PXDNL: variants seen among roughly 807,000 people sequenced by gnomAD.
The protein encoded by PXDNL is peroxidasin like.
PXDNL carries 145 observed loss-of-function variants against 150.8 expected under a neutral mutation model. The observed-to-expected ratio is 0.96, with a 90% CI of 0.84 to 1.10. The LOEUF (loss-of-function observed/expected upper bound fraction) is 1.10, where lower values mean the gene tolerates loss of function less well. Ranked by LOEUF, PXDNL falls within the 50% of genes least tolerant of loss-of-function variation. The probability of loss-of-function intolerance (pLI) is 0.00; values close to 1 mark genes in which losing one functional copy is unlikely to be tolerated. For missense variants in PXDNL, 2,087 were observed against 1,873.9 expected, an observed-to-expected ratio of 1.11 and a Z score of -2.10; for synonymous variants, 757 against 725.7, an observed-to-expected ratio of 1.04 and a Z score of -0.69.
chr8:51,562,599 G>C (rs1217429500), intron 3 of PXDNL, among the ~76,000 whole-genome samples: 2 of 151,964 alleles, frequency 1.3e-5, no homozygotes, highest in Admixed American at 6.6e-5. Flanking sequence ...GGACCAAGGA[G>C]TGTTATAGAG....
chr8:51,421,659 C>T (rs540286173), intron 14 of PXDNL, among the ~76,000 whole-genome samples: 2 of 152,090 alleles, frequency 1.3e-5, no homozygotes, highest in African/African-American at 4.8e-5. Flanking sequence ...AGATTGTGCC[C>T]CTGCACTCCA....
intron 1 of PXDNL, among the ~76,000 whole-genome samples, chr8:51,681,590 C>T (rs7837379): frequency 0.29 from 43,532 of 152,174 alleles, 12,864 homozygotes; most frequent in African/African-American, 0.76. Flanking sequence ...GGCATGTGTC[C>T]CAAGCCCTGC....
At chr8:51,627,117 C>A (rs113436903) in intron 2 of PXDNL, among the ~76,000 whole-genome samples, 9 of 152,074 alleles carry the variant, frequency 5.9e-5, no homozygotes, top group African/African-American at 1.9e-4. Flanking sequence ...TTTCCTGAAA[C>A]AAATTAATCA....
Position 51,728,224 on chromosome 8 carries a change from T to G in PXDNL, c.165-73464A>C, listed in dbSNP as rs60849920. Among the ~76,000 whole-genome samples the G allele has an allele frequency of 3.6e-3, 547 of 152,360 alleles. 5 individuals carry two copies. The highest frequency in any genetic ancestry group is 0.012 in the African/African-American group (519 of 41,582). On this transcript the variant is annotated intron_variant, in intron 1 of 22. Transcript: ENST00000356297. ...AAACACACCTACTGTGCTGCCAGTG[T>G]TATAAAAGTCTAGCACATACAGTTA...
intron 2 of PXDNL, among the ~76,000 whole-genome samples, chr8:51,613,583 C>A (rs1814068056): frequency 6.6e-6 from 1 of 151,890 alleles, no homozygotes. Flanking sequence ...ACTAAGAAGT[C>A]GAATAAGAGA....
chr8:51,322,461 G>C (rs77089592), intron 21 of PXDNL, among the ~76,000 whole-genome samples: 6,071 of 152,184 alleles, frequency 0.04, 174 homozygotes, highest in Non-Finnish European at 0.061. Context: ...GGGATGAGTG[G>C]GCAGCAAAGA....
At chr8:51,581,351 T>C (rs911159563) in intron 3 of PXDNL, among the ~76,000 whole-genome samples, 2 of 152,006 alleles carry the variant, frequency 1.3e-5, no homozygotes, top group Admixed American at 1.3e-4. Flanking sequence ...TAGCTGGGCA[T>C]GGTGGCATGT....
chr8:51,783,214 C>T (rs2037431717), intron 1 of PXDNL, among the ~76,000 whole-genome samples: 1 of 152,166 alleles, frequency 6.6e-6, no homozygotes, highest in Admixed American at 6.5e-5. Context: ...GCCTTGAAAC[C>T]AGCTGGCATC....
intron 19 of PXDNL, among the ~76,000 whole-genome samples, chr8:51,355,659 A>T (rs1806484474): frequency 6.6e-6 from 1 of 152,212 alleles, no homozygotes; most frequent in African/African-American, 2.4e-5. Flanking sequence ...ATGCAAAGTC[A>T]ATTTTATCAG....
chr8:51,732,887 G>A (rs1252717445), intron 1 of PXDNL, among the ~76,000 whole-genome samples: 1 of 152,180 alleles, frequency 6.6e-6, no homozygotes, highest in Non-Finnish European at 1.5e-5. Context: ...CATGATGTGT[G>A]GGAATTATGG....
intron 1 of PXDNL, among the ~76,000 whole-genome samples, chr8:51,747,904 C>G (rs1487436734): frequency 6.6e-6 from 1 of 151,698 alleles, no homozygotes; most frequent in Non-Finnish European, 1.5e-5. Flanking sequence ...GCCTTGGGGT[C>G]TGATCTCAGC....
intron 17 of PXDNL, among the ~76,000 whole-genome samples, chr8:51,387,949 C>T (rs1807772070): frequency 6.6e-6 from 1 of 152,116 alleles, no homozygotes; most frequent in Non-Finnish European, 1.5e-5. Context: ...ATTTGACTGA[C>T]AAGCATTTTT....
intron 17 of PXDNL, among the ~76,000 whole-genome samples, chr8:51,393,354 A>G (rs1452202220): frequency 6.6e-6 from 1 of 152,186 alleles, no homozygotes; most frequent in Non-Finnish European, 1.5e-5. Flanking sequence ...TGATCGTCAT[A>G]TTCGGGATGA....
chr8:51,768,140 C>T (rs1015623763), intron 1 of PXDNL, among the ~76,000 whole-genome samples: 5 of 152,208 alleles, frequency 3.3e-5, no homozygotes, highest in Non-Finnish European at 7.3e-5. Context: ...GTGAACAAAG[C>T]TCACGATTCT....
chr8:51,372,254 A>G (rs1310654608), intron 18 of PXDNL, among the ~76,000 whole-genome samples, 173 bp from the exon 19 acceptor site: 1 of 152,226 alleles, frequency 6.6e-6, no homozygotes, highest in Non-Finnish European at 1.5e-5. Context: ...TATTTACAAC[A>G]TTCTTAAATC....
At chr8:51,595,071 T>TA (rs1322855562) in intron 2 of PXDNL, among the ~76,000 whole-genome samples, 2 of 152,088 alleles carry the variant, frequency 1.3e-5, no homozygotes, top group African/African-American at 4.8e-5. Context: ...GAAGAAAATG[T>TA]AAAAATGTTA....
intron 2 of PXDNL, among the ~76,000 whole-genome samples, chr8:51,614,328 G>A (rs976434716): frequency 1.3e-5 from 2 of 152,192 alleles, no homozygotes; most frequent in African/African-American, 4.8e-5. Flanking sequence ...TAACCTAACT[G>A]TATGTGTAAA....
chr8:51,365,009 C>T (rs749271322), intron 19 of PXDNL, among the ~76,000 whole-genome samples: 14 of 152,072 alleles, frequency 9.2e-5, no homozygotes, highest in Non-Finnish European at 2.1e-4. Flanking sequence ...GGCATGATCT[C>T]GACTCACTGA....
At chr8:51,513,240 G>A (rs550768235) in intron 4 of PXDNL, among the ~76,000 whole-genome samples, 8 of 152,210 alleles carry the variant, frequency 5.3e-5, no homozygotes, top group Non-Finnish European at 1.2e-4. Context: ...CTCTCCAGAT[G>A]AGGCTGTGCA....
Sources: allele counts gnomAD v4.1 joint callset (sites outside exome capture counted in the v4.1 genomes callset), GRCh38; gene constraint gnomAD v4.1.1; transcripts MANE v1.5; gene names NCBI Gene and HGNC (gene_info 2026-07-23, HGNC 2026-07-21).